The following RGS9 variants were observed in gnomAD, a reference collection of about 807,000 sequenced individuals.
The protein encoded by RGS9 is regulator of G protein signaling 9.
In RGS9, 78 loss-of-function variants were observed where a neutral mutation model predicts 102.0. The ratio of observed to expected loss-of-function variants is 0.76; its 90% confidence interval spans 0.64 to 0.92. The LOEUF is 0.92. Ranked by LOEUF, RGS9 falls within the 40% of genes least tolerant of loss-of-function variation. RGS9 has a pLI of 0.00. For missense variants in RGS9, 833 were observed against 866.1 expected (o/e 0.96, Z 0.48); for synonymous variants, 353 against 318.6 (o/e 1.11, Z -1.15).
Position 65,225,033 on chromosome 17 carries a change from T to A in RGS9, c.1439T>A (p.Leu480Gln). The A allele has an allele frequency of 6.2e-7, 1 of 1,613,966 alleles. No individual in the cohort carries two copies. The highest frequency in any genetic ancestry group is 8.5e-7 in the Non-Finnish European group (1 of 1,179,982). Residue 480 changes from leucine to glutamine, a missense_variant, in exon 18 of 19, where the codon CTG (leucine) becomes CAG (glutamine). By Grantham distance (113) the Leu-to-Gln change is moderately radical. Coordinates refer to ENST00000262406, the MANE Select transcript of RGS9 (RefSeq NM_003835.4). ...CAGCACATGGCTCCCAGCCCCCATC[T>A]GACCGTGTACACCGGGACCTGCATG... is the stretch of plus-strand genomic sequence containing the variant. ...PGQHMAPSPH[L>Q]TVYTGTCMPP... is the part of the protein sequence containing the mutation.
chr17:65,140,873 A>G (rs1910130552), intron 1 of RGS9, among the ~76,000 whole-genome samples: 1 of 121,508 alleles, frequency 8.2e-6, no homozygotes, highest in Non-Finnish European at 1.8e-5. Flanking sequence ...TGTGACAGAG[A>G]GAGACTCTGT....
intron 1 of RGS9, among the ~76,000 whole-genome samples, chr17:65,140,257 C>T (rs147521412): frequency 2.2e-3 from 332 of 152,244 alleles, no homozygotes; most frequent in Non-Finnish European, 3.1e-3. Flanking sequence ...AGTGTGGAGG[C>T]TGTGGGAAAG....
chr17:65,172,285 C>T (rs1170410032), intron 8 of RGS9, among the ~76,000 whole-genome samples: 3 of 152,128 alleles, frequency 2.0e-5, no homozygotes, highest in Admixed American at 1.3e-4. Flanking sequence ...CTCACTGCAA[C>T]CTCTGCCTCT....
At chr17:65,202,615 A>T (rs566900726) in intron 14 of RGS9, among the ~76,000 whole-genome samples, 1 of 152,242 alleles carries the variant, frequency 6.6e-6, no homozygotes, top group East Asian at 1.9e-4. Flanking sequence ...GGCACATCTC[A>T]TTCCTGACAT....
chr17:65,221,096 C>T (rs1677531142), intron 17 of RGS9, among the ~76,000 whole-genome samples: 1 of 152,174 alleles, frequency 6.6e-6, no homozygotes, highest in Non-Finnish European at 1.5e-5. Flanking sequence ...TTAGATTGTC[C>T]AGGACCAGTA....
At position 65,225,122 on chromosome 17, in the gene RGS9, C is replaced by G; in HGVS notation, c.1528C>G (p.Pro510Ala). ...CTCCCCCAGGAAGCCTTTCGCCTCACCCAGCCGCTTCATCCGGCGACCCAG... is the reference window on the plus strand; with the variant it reads ...CTCCCCCAGGAAGCCTTTCGCCTCAGCCAGCCGCTTCATCCGGCGACCCAG... ...CRSPRKPFASPSRFIRRPSTT... is the reference protein window; with the variant it reads ...CRSPRKPFASASRFIRRPSTT... The change falls in exon 18 of 19, where the codon CCC (proline) becomes GCC (alanine). Residue 510 changes from proline to alanine, a missense_variant. Pro to Ala is a conservative substitution (Grantham distance 27). Coordinates refer to ENST00000262406, the MANE Select transcript of RGS9 (RefSeq NM_003835.4). 1.9e-6 allele frequency: 3 copies of G among 1,613,894 alleles called. No homozygotes were observed. Among genetic ancestry groups the G allele is most frequent in the Non-Finnish European group, 2.5e-6 (3 of 1,180,034 alleles).
chr17:65,223,752 C>CTTTTTTTT (rs528795738), intron 17 of RGS9, among the ~76,000 whole-genome samples: 5 of 137,594 alleles, frequency 3.6e-5, no homozygotes, highest in Non-Finnish European at 8.0e-5. Flanking sequence ...TCATGCCAGG[C>CTTTTTTTT]TTTTTTTTTT....
chr17:65,163,231 G>A (rs1911055576), intron 7 of RGS9, 142 bp downstream of exon 7: 1 of 386,352 alleles, frequency 2.6e-6, no homozygotes. Context: ...CTGGAGTGCA[G>A]TGGTGTGATC....
chr17:65,156,873 T>A (rs111817802), intron 2 of RGS9, among the ~76,000 whole-genome samples: 7 of 151,800 alleles, frequency 4.6e-5, no homozygotes, highest in African/African-American at 1.7e-4. Flanking sequence ...CATCCAGGAG[T>A]GAATGATGCT....
At chr17:65,219,978 AATC>A (rs34132471) in intron 17 of RGS9, among the ~76,000 whole-genome samples, 13 of 146,170 alleles carry the variant, frequency 8.9e-5, no homozygotes, top group Admixed American at 2.7e-4. Flanking sequence ...ATTAATACAC[AATC>A]ATCATCATCA....
chr17:65,167,914 G>A (rs1349785378), intron 7 of RGS9, among the ~76,000 whole-genome samples: 2 of 152,146 alleles, frequency 1.3e-5, no homozygotes, highest in Non-Finnish European at 1.5e-5. Context: ...CTGGTGGGCT[G>A]GTGGGGCATT....
At chr17:65,181,599 C>A (rs1567876000) in intron 9 of RGS9, among the ~76,000 whole-genome samples, 2 of 152,212 alleles carry the variant, frequency 1.3e-5, no homozygotes, top group Non-Finnish European at 2.9e-5. Context: ...CATACGGAAC[C>A]CCCAACTCCT....
intron 18 of RGS9, among the ~76,000 whole-genome samples, chr17:65,226,044 C>G (rs747600234): frequency 6.6e-6 from 1 of 152,204 alleles, no homozygotes; most frequent in Non-Finnish European, 1.5e-5. Context: ...AAGTGCGTAG[C>G]CTTTGCCTGA....
chr17:65,168,342 G>T, intron 8 of RGS9, 61 bp downstream of exon 8: 9 of 1,166,288 alleles, frequency 7.7e-6, no homozygotes, highest in African/African-American at 1.5e-5. Flanking sequence ...TCCATCCTGT[G>T]CTCTCCATAC....
At chr17:65,142,306 G>A (rs1198736357) in intron 1 of RGS9, among the ~76,000 whole-genome samples, 5 of 152,108 alleles carry the variant, frequency 3.3e-5, no homozygotes, top group African/African-American at 1.2e-4. Flanking sequence ...CAGAACTGGA[G>A]GGCTTCCTAG....
At position 65,225,277 on chromosome 17, in the gene RGS9, C is replaced by T. The variant is rs755416869; in HGVS notation, c.1683C>T (p.Leu561=). The T allele has an allele frequency of 3.4e-5, 54 of 1,608,868 alleles. No homozygotes were observed. Among genetic ancestry groups the T allele is most frequent in the South Asian group, 2.0e-4 (18 of 91,058 alleles). Reference sequence around the variant, plus strand: ...TCACCGAGAGCAGCGAGGCCTCCCTCGACACCTCCTGGCCTCGCAGCCGGC... The same window carrying T: ...TCACCGAGAGCAGCGAGGCCTCCCTTGACACCTCCTGGCCTCGCAGCCGGC... ...PSVTESSEAS[L]DTSWPRSRPR... is the part of the protein sequence containing the mutation. The change falls in exon 18 of 19, where the codon CTC becomes CTT. Residue 561 remains leucine (L), a synonymous_variant. Coordinates refer to ENST00000262406, the MANE Select transcript of RGS9 (RefSeq NM_003835.4).
chr17:65,177,763 T>C lies in RGS9; in HGVS notation c.614T>C (p.Leu205Pro), dbSNP rs778288380. The part of the protein sequence containing the change: ...PGMDNVLDYG[L>P]DRVTNPNEVK... The stretch of plus-strand genomic sequence containing the variant: ...ATGGACAATGTGCTGGACTACGGCC[T>C]GGACCGAGTGACCAATCCGAATGAA... Residue 205 changes from leucine (L) to proline (P), a missense_variant, in exon 9 of 19, where the codon CTG (leucine) becomes CCG (proline). Physicochemically the swap from Leu to Pro is moderately conservative, Grantham distance 98. Coordinates refer to ENST00000262406, the MANE Select transcript of RGS9 (RefSeq NM_003835.4). The C allele has an allele frequency of 2.2e-5, 35 of 1,614,124 alleles. No individual in the cohort carries two copies. The highest frequency in any genetic ancestry group is 1.0e-4 in the Admixed American group (6 of 60,008).
rs1913136340 is a variant in RGS9 at position 65,207,991 on chromosome 17, G to A, written c.1273G>A (p.Glu425Lys). Residue 425 changes from glutamate (E) to lysine (K), a missense_variant, in exon 16 of 19, where the codon GAA (glutamate) becomes AAA (lysine). Glu to Lys is a moderately conservative substitution (Grantham distance 56). Transcript: ENST00000262406. ...DMLAKAIEPQ[E>K]TTKKSSTLPF... ...GCTGGCCAAAGCTATTGAACCTCAG[G>A]AAACCACCAAGAAAAGGCAAGTGGA... 1 of 1,612,244 alleles carries A rather than the reference G, an allele frequency of 6.2e-7. No individual in the cohort carries two copies. The highest frequency in any genetic ancestry group is 1.3e-5 in the African/African-American group (1 of 74,804).
chr17:65,180,506 C>T (rs1330751772), intron 9 of RGS9, among the ~76,000 whole-genome samples: 1 of 152,010 alleles, frequency 6.6e-6, no homozygotes, highest in Non-Finnish European at 1.5e-5. Flanking sequence ...TTCCACCACG[C>T]CCAGCTAATT....
Sources: allele counts gnomAD v4.1 joint callset (sites outside exome capture counted in the v4.1 genomes callset), GRCh38; gene constraint gnomAD v4.1.1; transcripts MANE v1.5; gene names NCBI Gene and HGNC (gene_info 2026-07-23, HGNC 2026-07-21).